The following MEIOSIN variants were observed in gnomAD, a reference collection of about 807,000 sequenced individuals.
The protein encoded by MEIOSIN is meiosis initiator protein.
Under a neutral mutation model 23.4 loss-of-function variants are expected in MEIOSIN, and 18 were observed. That is an observed-to-expected ratio of 0.77 (90% CI 0.53 to 1.14). The LOEUF (loss-of-function observed/expected upper bound fraction) is 1.14, where lower values mean the gene tolerates loss of function less well. MEIOSIN is among the 50% of genes most tolerant of loss of function. The pLI is 0.00. For synonymous variants in MEIOSIN, 187 were observed against 100.6 expected (o/e 1.86, Z -5.14); for missense variants, 428 against 242.9 (o/e 1.76, Z -5.07).
chr19:45,740,569 T>A (rs578168209), intron 3 of MEIOSIN, among the ~76,000 whole-genome samples: 19 of 151,928 alleles, frequency 1.3e-4, no homozygotes, highest in Non-Finnish European at 2.4e-4. Flanking sequence ...GCCAACATGG[T>A]GAAACCCCGT....
At chr19:45,753,252 T>C (rs775691202) in intron 5 of MEIOSIN, among the ~76,000 whole-genome samples, 13 of 152,040 alleles carry the variant, frequency 8.6e-5, no homozygotes, top group Non-Finnish European at 1.9e-4. Flanking sequence ...ACCTAGAAGA[T>C]GTTAATGAGG....
At chr19:45,751,734 CT>C (rs35105394) in intron 5 of MEIOSIN, among the ~76,000 whole-genome samples, 75,066 of 139,402 alleles carry the variant, frequency 0.54, 20,063 homozygotes, top group East Asian at 0.65. Context: ...TTCTTTCTTT[CT>C]TTTTTTTTTT....
intron 2 of MEIOSIN, among the ~76,000 whole-genome samples, chr19:45,738,785 T>G (rs921111154): frequency 3.9e-5 from 6 of 152,180 alleles, no homozygotes; most frequent in African/African-American, 1.2e-4. Context: ...GTTTAGGTTC[T>G]CTACCTAGAT....
chr19:45,735,253 T>C, intron 1 of MEIOSIN, 124 bp from the exon 2 acceptor site: 1 of 613,144 alleles, frequency 1.6e-6, no homozygotes, highest in East Asian at 2.9e-5. Flanking sequence ...TAGGGACTCT[T>C]ATTTTGGGAT....
chr19:45,735,538 G>A (rs1968394588), intron 2 of MEIOSIN, 91 bp downstream of exon 2: 1 of 635,434 alleles, frequency 1.6e-6, no homozygotes, highest in South Asian at 1.7e-5. Flanking sequence ...CCGTTTGCTA[G>A]ACTCTTTGCC....
At chr19:45,749,691 A>AAAC (rs1968658130) in intron 4 of MEIOSIN, among the ~76,000 whole-genome samples, 1 of 135,436 alleles carries the variant, frequency 7.4e-6, no homozygotes, top group East Asian at 2.2e-4. Flanking sequence ...AAAAAAAAAA[A>AAAC]GCGCAAAAAA....
intron 3 of MEIOSIN, among the ~76,000 whole-genome samples, chr19:45,740,058 A>G (rs1968476087): frequency 6.6e-6 from 1 of 152,164 alleles, no homozygotes; most frequent in South Asian, 2.1e-4. Context: ...CATGTTAGTC[A>G]GGCTGGTCTT....
At chr19:45,756,348 CAG>C (rs973187390) in intron 8 of MEIOSIN, among the ~76,000 whole-genome samples, 4 of 152,234 alleles carry the variant, frequency 2.6e-5, no homozygotes, top group Non-Finnish European at 4.4e-5. Flanking sequence ...TTTTCCAACA[CAG>C]AGACGTTGAC....
chr19:45,741,784 A>C (rs1968509018), intron 3 of MEIOSIN, among the ~76,000 whole-genome samples: 1 of 152,202 alleles, frequency 6.6e-6, no homozygotes, highest in Non-Finnish European at 1.5e-5. Flanking sequence ...TTAATGAAAG[A>C]AATAAGATTT....
chr19:45,756,196 A>G (rs865921620), intron 8 of MEIOSIN, 118 bp downstream of exon 8: 67 of 618,658 alleles, frequency 1.1e-4, no homozygotes, highest in African/African-American at 6.9e-4. Context: ...TTGAGCACCA[A>G]TGGAGGCCCA....
At chr19:45,734,961 C>T (rs1335899642) in intron 1 of MEIOSIN, among the ~76,000 whole-genome samples, 1 of 151,906 alleles carries the variant, frequency 6.6e-6, no homozygotes, top group African/African-American at 2.4e-5. Context: ...TGGCTTAATC[C>T]TGGCTCAGTG....
chr19:45,761,494 T>A (rs1968941735), intron 11 of MEIOSIN, among the ~76,000 whole-genome samples, 185 bp from the exon 12 acceptor site: 1 of 131,306 alleles, frequency 7.6e-6, no homozygotes, highest in African/African-American at 2.9e-5. Flanking sequence ...GGTCTGTAAC[T>A]CCTGGCCTCA....
In MEIOSIN at chr19:45,762,062, G is replaced by A. The variant is rs1455277100; in HGVS notation, c.1558G>A (p.Val520Ile). Residue 520 changes from valine to isoleucine, a missense_variant, in exon 13 of 15, where the codon GTA becomes ATA. By Grantham distance (29) the Val-to-Ile change is conservative. Coordinates refer to ENST00000457052, the MANE Select transcript of MEIOSIN (RefSeq NM_001310124.2). ...AAEKKATKGQ[V>I]ARAPVKPKEK... is the part of the protein sequence containing the mutation. The stretch of plus-strand genomic sequence containing the variant: ...TGAGAAAAAGGCCACGAAGGGCCAA[G>A]TAGCCAGGGCCCCTGTGAAGCCCAA... 1 of 481,724 alleles carries A rather than the reference G, an allele frequency of 2.1e-6. No homozygotes were observed. The highest frequency in any genetic ancestry group is 3.7e-6 in the Non-Finnish European group (1 of 272,800). The allele number at this position is 481,724 out of a possible 1,614,324, so 29.8% of individuals were successfully genotyped here. A position where few individuals can be genotyped will look rare whatever the true frequency, so the allele number is the denominator to read the frequency against.
rs1968844695 is a variant in MEIOSIN, at chr19:45,757,076, C to G, written c.912-101C>G. 9.4e-6 allele frequency: 6 copies of G among 635,478 alleles called. No homozygotes were observed. The South Asian group carries it at 1.1e-4, about 11-fold the overall frequency. The allele number at this position is 635,478 out of a possible 1,614,324, so 39.4% of individuals were successfully genotyped here. On this transcript the variant is annotated intron_variant, in intron 8 of 14. Coordinates refer to ENST00000457052, the MANE Select transcript of MEIOSIN (RefSeq NM_001310124.2). ...CCTCGACTGACTGAGCTTTACACCC[C>G]CAGCACTCCCCCAGGGGCCAGTGCA...
chr19:45,739,175 A>T (rs1488167498), intron 2 of MEIOSIN, among the ~76,000 whole-genome samples: 1 of 151,990 alleles, frequency 6.6e-6, no homozygotes. Flanking sequence ...TTTGTTTGAG[A>T]TGGAGTCTTG....
chr19:45,754,821 G>T, intron 7 of MEIOSIN, 97 bp downstream of exon 7: 1 of 656,462 alleles, frequency 1.5e-6, no homozygotes, highest in Non-Finnish European at 2.8e-6. Flanking sequence ...AGTGGGGGCT[G>T]CAGCAGTGAA....
intron 1 of MEIOSIN, among the ~76,000 whole-genome samples, chr19:45,734,176 C>G (rs999825243): frequency 1.3e-5 from 2 of 151,980 alleles, no homozygotes; most frequent in African/African-American, 4.8e-5. Context: ...TTTAGAAGCA[C>G]GTTTTAGGGC....
At position 45,754,508 on chromosome 19, in the gene MEIOSIN, C is replaced by T. The variant is rs926848260; in HGVS notation, c.586C>T (p.Arg196Cys). The stretch of plus-strand genomic sequence containing the variant: ...CCAGACTCGGACCCCGAAGCCTCGC[C>T]GCTCTCTGGCCCTGAACAAGCCTGA... ...ESQTRTPKPR[R>C]SLALNKPEKL... The change falls in exon 7 of 15, where the codon CGC becomes TGC. Residue 196 changes from arginine to cysteine, a missense_variant. Coordinates refer to ENST00000457052, the MANE Select transcript of MEIOSIN (RefSeq NM_001310124.2). 21 of 702,874 alleles carry T rather than the reference C, an allele frequency of 3.0e-5. No individual in the cohort carries two copies. Among genetic ancestry groups the T allele is most frequent in the East Asian group, 1.6e-4 (6 of 37,298 alleles). The allele number at this position is 702,874 out of a possible 1,614,324, so 43.5% of individuals were successfully genotyped here. A position where few individuals can be genotyped will look rare whatever the true frequency, so the allele number is the denominator to read the frequency against.
At chr19:45,762,360 G>C (rs967380544) in intron 13 of MEIOSIN, among the ~76,000 whole-genome samples, 177 bp downstream of exon 13, 1 of 152,068 alleles carries the variant, frequency 6.6e-6, no homozygotes, top group African/African-American at 2.4e-5. Flanking sequence ...GTATTGGACA[G>C]GGTCCATCCA....
Sources: allele counts gnomAD v4.1 joint callset (sites outside exome capture counted in the v4.1 genomes callset), GRCh38; gene constraint gnomAD v4.1.1; transcripts MANE v1.5; gene names NCBI Gene and HGNC (gene_info 2026-07-23, HGNC 2026-07-21).